Variants in CCDC146 observed in about 807,000 individuals in gnomAD.
CCDC146 encodes the protein coiled-coil domain containing 146, also known as coiled-coil domain-containing protein 146.
In CCDC146, 92 loss-of-function variants were observed where a neutral mutation model predicts 119.3. That is an observed-to-expected ratio of 0.77 (90% CI 0.65 to 0.92). The LOEUF (loss-of-function observed/expected upper bound fraction) is 0.92, where lower values mean the gene tolerates loss of function less well. Ranked by LOEUF, CCDC146 falls within the 40% of genes least tolerant of loss-of-function variation. CCDC146 has a pLI of 0.00. For missense variants in CCDC146, 1,000 were observed against 1,103.0 expected (o/e 0.91, Z 1.32); for synonymous variants, 372 against 371.8 (o/e 1.00, Z -0.01).
intron 2 of CCDC146, chr7:77,194,633 T>C (rs1035500495): frequency 6.6e-6 from 1 of 152,110 alleles, no homozygotes; most frequent in African/African-American, 2.4e-5. Context: ...TTAATCATTT[T>C]AAAATAATGG....
chr7:77,290,730 C>T (rs1793928659), intron 17 of CCDC146, among the ~76,000 whole-genome samples: 1 of 152,016 alleles, frequency 6.6e-6, no homozygotes, highest in African/African-American at 2.4e-5. Context: ...AAAATTAGTT[C>T]AGTATAGAAG....
At position 77,280,510 on chromosome 7, in the gene CCDC146, A is replaced by T. The variant is rs372520902; in HGVS notation, c.1776A>T (p.Val592=). The stretch of plus-strand genomic sequence containing the variant: ...TGCAAAACGATGTGCGCAAAATTGT[A>T]TCAAAACTTCAGGAAATGAAAGAAA... The part of the protein sequence containing the change: ...ESMQNDVRKI[V]SKLQEMKEKK... Residue 592 remains valine, a synonymous_variant, in exon 14 of 19, where the codon GTA becomes GTT. Coordinates refer to ENST00000285871, the MANE Select transcript of CCDC146 (RefSeq NM_020879.3). The T allele has an allele frequency of 6.2e-7, 1 of 1,614,234 alleles. No individual in the cohort carries two copies. The highest frequency in any genetic ancestry group is 8.5e-7 in the Non-Finnish European group (1 of 1,180,040).
chr7:77,176,769 A>G (rs1791506446), intron 2 of CCDC146, among the ~76,000 whole-genome samples: 1 of 152,140 alleles, frequency 6.6e-6, no homozygotes, highest in South Asian at 2.1e-4. Flanking sequence ...TCACATATTC[A>G]AAAGATGCTT....
At chr7:77,219,448 T>C (rs1792361267) in intron 2 of CCDC146, among the ~76,000 whole-genome samples, 1 of 152,210 alleles carries the variant, frequency 6.6e-6, no homozygotes, top group Non-Finnish European at 1.5e-5. Flanking sequence ...TTCTGAATAT[T>C]CCCACCCTTT....
chr7:77,213,301 C>T (rs1040923313), intron 2 of CCDC146, among the ~76,000 whole-genome samples: 1 of 151,768 alleles, frequency 6.6e-6, no homozygotes, highest in African/African-American at 2.4e-5. Flanking sequence ...CCACATTTCC[C>T]AGGCTGGTCT....
At chr7:77,269,592 T>C (rs1793471228) in intron 9 of CCDC146, among the ~76,000 whole-genome samples, 1 of 152,234 alleles carries the variant, frequency 6.6e-6, no homozygotes, top group Non-Finnish European at 1.5e-5. Flanking sequence ...GAAGAGGAGT[T>C]TGCAGTGGAA....
intron 2 of CCDC146, among the ~76,000 whole-genome samples, chr7:77,179,086 C>A (rs1302357083): frequency 6.6e-6 from 1 of 151,582 alleles, no homozygotes; most frequent in African/African-American, 2.4e-5. Flanking sequence ...AGGAGTCAAC[C>A]CAGAAAAGTT....
intron 2 of CCDC146, among the ~76,000 whole-genome samples, chr7:77,171,553 G>C (rs1226138472): frequency 6.6e-6 from 1 of 152,150 alleles, no homozygotes; most frequent in Non-Finnish European, 1.5e-5. Context: ...CTCCCCATCA[G>C]TACCCCTAAG....
chr7:77,165,280 C>G (rs1489878840), intron 1 of CCDC146, among the ~76,000 whole-genome samples: 1 of 152,078 alleles, frequency 6.6e-6, no homozygotes, highest in African/African-American at 2.4e-5. Flanking sequence ...GATCTGCTCT[C>G]AGAGGGGCCC....
Position 77,237,038 on chromosome 7 carries a change from T to C in CCDC146, c.239+9T>C, listed in dbSNP as rs776728825. On this transcript the variant is annotated intron_variant, in intron 3 of 18. Coordinates refer to ENST00000285871, the MANE Select transcript of CCDC146 (RefSeq NM_020879.3). ...CATGACGCCGTGATGAGGTATGCAATTTACCAATATGGAGACATGATTAAT... is the reference window on the plus strand; with the variant it reads ...CATGACGCCGTGATGAGGTATGCAACTTACCAATATGGAGACATGATTAAT... 7 of 1,606,360 alleles carry C rather than the reference T, an allele frequency of 4.4e-6. No homozygotes were observed. In the East Asian group the frequency reaches 1.3e-4, roughly 31 times the overall value.
Position 77,162,996 on chromosome 7 carries a change from A to G in CCDC146, c.-11-4662A>G, listed in dbSNP as rs1791284750. On this transcript the variant is annotated intron_variant, in intron 1 of 18. Coordinates refer to ENST00000285871, the MANE Select transcript of CCDC146 (RefSeq NM_020879.3). ...CTAAAATATTTAGAATGTTTTCAGA[A>G]TAATAGAGATTGAAAACTTTAGCAA... Among the ~76,000 whole-genome samples, 3 of 152,354 alleles carry G rather than the reference A, an allele frequency of 2.0e-5. No individual in the cohort carries two copies. The South Asian group carries it at 6.2e-4, about 32-fold the overall frequency.
chr7:77,174,209 T>C (rs1220497406), intron 2 of CCDC146, among the ~76,000 whole-genome samples: 2 of 152,220 alleles, frequency 1.3e-5, no homozygotes, highest in Non-Finnish European at 2.9e-5. Flanking sequence ...CTCACTTTTA[T>C]AGTTGTGAGG....
chr7:77,201,393 A>G (rs912131390), intron 2 of CCDC146, among the ~76,000 whole-genome samples: 2 of 151,804 alleles, frequency 1.3e-5, no homozygotes, highest in African/African-American at 4.8e-5. Flanking sequence ...AATACAAAAA[A>G]AAAAAAAAAA....
chr7:77,188,339 A>G (rs965951653), intron 2 of CCDC146, among the ~76,000 whole-genome samples: 1 of 152,144 alleles, frequency 6.6e-6, no homozygotes, highest in Admixed American at 6.5e-5. Context: ...CAATTTTTTA[A>G]AAAGATCATT....
At chr7:77,179,972 T>C (rs905835141) in intron 2 of CCDC146, among the ~76,000 whole-genome samples, 2 of 152,204 alleles carry the variant, frequency 1.3e-5, no homozygotes, top group Non-Finnish European at 2.9e-5. Flanking sequence ...TCACTTAGCA[T>C]AATGTCATCA....
intron 1 of CCDC146, among the ~76,000 whole-genome samples, chr7:77,127,520 T>G (rs1790706568): frequency 6.6e-6 from 1 of 152,170 alleles, no homozygotes; most frequent in Non-Finnish European, 1.5e-5. Flanking sequence ...TGTGAGGATT[T>G]TTACATTTTA....
At chr7:77,194,587 G>GA (rs1791830232) in intron 2 of CCDC146, 1 of 152,000 alleles carries the variant, frequency 6.6e-6, no homozygotes, top group African/African-American at 2.4e-5. Context: ...CCTAATATTT[G>GA]AAAAATTAGC....
At chr7:77,251,148 A>G (rs1793053169) in intron 4 of CCDC146, among the ~76,000 whole-genome samples, 1 of 151,778 alleles carries the variant, frequency 6.6e-6, no homozygotes, top group Non-Finnish European at 1.5e-5. Context: ...CAGCTTCCTG[A>G]GTAGCTGGGA....
At position 77,216,564 on chromosome 7, in the gene CCDC146, A is replaced by G. The variant is rs1264069849; in HGVS notation, c.157-20383A>G. Among the ~76,000 whole-genome samples, 9 of 152,146 alleles carry G rather than the reference A, an allele frequency of 5.9e-5. No homozygotes were observed. In the East Asian group the frequency reaches 1.3e-3, roughly 23 times the overall value. ...CTCTTAATGGAATTGTCAGTCTTCC[A>G]TCTCACCAGAAGGAAGAATTATGCA... On this transcript the variant is annotated intron_variant, in intron 2 of 18. Transcript: ENST00000285871.
Sources: gnomAD v4.1 joint callset for allele counts (sites outside exome capture counted in the v4.1 genomes callset) on GRCh38, gnomAD v4.1.1 for gene constraint, MANE v1.5 for transcripts, NCBI Gene and HGNC (gene_info 2026-07-23, HGNC 2026-07-21) for gene names.